The following LAMA2 variants were observed in gnomAD, a reference collection of about 807,000 sequenced individuals.
LAMA2 encodes laminin subunit alpha-2.
A neutral mutation model predicts 364.8 loss-of-function variants in LAMA2; 269 were observed. The observed-to-expected ratio is 0.74, with a 90% confidence interval of 0.67 to 0.82. The LOEUF is 0.82. Ranked by LOEUF, LAMA2 falls within the 40% of genes least tolerant of loss-of-function variation. The probability of loss-of-function intolerance (pLI) is 0.00; values close to 1 mark genes in which losing one functional copy is unlikely to be tolerated. For missense variants in LAMA2, 3,807 were observed against 3,873.2 expected (o/e 0.98, Z 0.45); for synonymous variants, 1,379 against 1,370.6 (o/e 1.01, Z -0.14).
At chr6:129,301,954 A>G (rs1166380084) in intron 22 of LAMA2, among the ~76,000 whole-genome samples, 1 of 152,004 alleles carries the variant, frequency 6.6e-6, no homozygotes, top group Non-Finnish European at 1.5e-5. Flanking sequence ...ACGTTTTTGT[A>G]ATTCATCCAT....
At chr6:129,132,662 A>G (rs1056412947) in intron 4 of LAMA2, among the ~76,000 whole-genome samples, 1 of 152,202 alleles carries the variant, frequency 6.6e-6, no homozygotes, top group African/African-American at 2.4e-5. Flanking sequence ...GTAACAGGTA[A>G]CTGCTATAAA....
At chr6:129,442,820 CTG>C (rs1782185375) in intron 43 of LAMA2, 1 of 525,434 alleles carries the variant, frequency 1.9e-6, no homozygotes. Context: ...TAAATTGGGT[CTG>C]TTTTCTATCT....
chr6:129,025,328 A>G (rs935700461), intron 1 of LAMA2, among the ~76,000 whole-genome samples: 1 of 152,162 alleles, frequency 6.6e-6, no homozygotes, highest in Non-Finnish European at 1.5e-5. Flanking sequence ...ATTCATATAC[A>G]TTGTTTTGCA....
intron 45 of LAMA2, among the ~76,000 whole-genome samples, chr6:129,447,838 T>C (rs564359688): frequency 2.6e-5 from 4 of 152,356 alleles, no homozygotes; most frequent in African/African-American, 9.6e-5. Context: ...GAATCTCACA[T>C]TTAGCCACAT....
rs766521929 is a variant in LAMA2 at position 129,366,304 on chromosome 6, G to T, written c.4803G>T (p.Pro1601=). 5.0e-6 allele frequency: 8 copies of T among 1,613,868 alleles called. No homozygotes were observed. The highest frequency in any genetic ancestry group is 5.9e-6 in the Non-Finnish European group (7 of 1,179,956). Residue 1601 remains proline (P), a synonymous_variant, in exon 33 of 65, where the codon CCG becomes CCT. Coordinates refer to ENST00000421865, the MANE Select transcript of LAMA2 (RefSeq NM_000426.4). ...QMVMSINLTG[P]LPAPYKMLYG... is the part of the protein sequence containing the mutation. ...TCATGAGCATCAACCTCACTGGTCCGCTGCCTGCGCCATATAAAATGCTGT... is the reference window on the plus strand; with the variant it reads ...TCATGAGCATCAACCTCACTGGTCCTCTGCCTGCGCCATATAAAATGCTGT...
chr6:129,032,488 CAG>C (rs1786307800), intron 1 of LAMA2, among the ~76,000 whole-genome samples: 1 of 152,068 alleles, frequency 6.6e-6, no homozygotes, highest in Non-Finnish European at 1.5e-5. Flanking sequence ...AAGGAAAAAG[CAG>C]AGCTTTATTC....
chr6:129,223,182 TG>T (rs1783997250), intron 12 of LAMA2, among the ~76,000 whole-genome samples: 1 of 152,190 alleles, frequency 6.6e-6, no homozygotes, highest in Non-Finnish European at 1.5e-5. Flanking sequence ...CCAATTTTGA[TG>T]GGGTTATTTG....
At chr6:129,293,340 C>A (rs1157552719) in intron 20 of LAMA2, among the ~76,000 whole-genome samples, 1 of 151,148 alleles carries the variant, frequency 6.6e-6, no homozygotes, top group South Asian at 2.1e-4. Context: ...TAAAAATCTA[C>A]TTGAGAGAAC....
chr6:129,143,080 T>A (rs191260455), intron 4 of LAMA2, among the ~76,000 whole-genome samples: 1 of 152,074 alleles, frequency 6.6e-6, no homozygotes, highest in East Asian at 1.9e-4. Flanking sequence ...TCTTGAGAAG[T>A]CCCTGTGAGA....
intron 4 of LAMA2, among the ~76,000 whole-genome samples, chr6:129,107,961 A>G (rs1384393700): frequency 6.6e-6 from 1 of 152,108 alleles, no homozygotes; most frequent in Non-Finnish European, 1.5e-5. Flanking sequence ...GATTGCACAG[A>G]CCTGAGTTTG....
chr6:128,920,403 G>A (rs932400301), intron 1 of LAMA2, among the ~76,000 whole-genome samples: 3 of 151,844 alleles, frequency 2.0e-5, no homozygotes, highest in East Asian at 3.9e-4. Flanking sequence ...CAATTCGCCC[G>A]CCTCAGGCTC....
chr6:129,440,252 A>ATTATT, intron 42 of LAMA2, among the ~76,000 whole-genome samples: 1 of 152,110 alleles, frequency 6.6e-6, no homozygotes, highest in Non-Finnish European at 1.5e-5. Context: ...TAATATTAAA[A>ATTATT]TCTCGGTGGT....
intron 34 of LAMA2, among the ~76,000 whole-genome samples, chr6:129,380,987 A>G (rs1310572524): frequency 2.6e-5 from 4 of 152,242 alleles, no homozygotes; most frequent in Admixed American, 2.6e-4. Flanking sequence ...TAAAAGAGAC[A>G]GTGTATGATA....
At chr6:129,071,841 A>G (rs1247182425) in intron 3 of LAMA2, among the ~76,000 whole-genome samples, 1 of 152,160 alleles carries the variant, frequency 6.6e-6, no homozygotes, top group African/African-American at 2.4e-5. Context: ...CTTGAAAACA[A>G]TGTGGACCAG....
intron 45 of LAMA2, among the ~76,000 whole-genome samples, chr6:129,450,745 C>T (rs1184267878): frequency 6.6e-6 from 1 of 152,188 alleles, no homozygotes; most frequent in Non-Finnish European, 1.5e-5. Context: ...GTCGCTTTGA[C>T]TACTAATTCA....
At chr6:128,977,266 C>CTTTTTTTTTTTT (rs34859670) in intron 1 of LAMA2, among the ~76,000 whole-genome samples, 1 of 133,138 alleles carries the variant, frequency 7.5e-6, no homozygotes, top group African/African-American at 2.9e-5. Context: ...TTTATTCTTT[C>CTTTTTTTTTTTT]TTTTTTTTTT....
chr6:129,333,708 A>G (rs1441990260), intron 29 of LAMA2, among the ~76,000 whole-genome samples: 1 of 152,184 alleles, frequency 6.6e-6, no homozygotes, highest in Admixed American at 6.5e-5. Context: ...GTTAATCTAT[A>G]CACATTCTTA....
At chr6:129,067,493 G>T (rs1402775555) in intron 3 of LAMA2, among the ~76,000 whole-genome samples, 1 of 152,074 alleles carries the variant, frequency 6.6e-6, no homozygotes, top group Non-Finnish European at 1.5e-5. Flanking sequence ...CTACCCTTTG[G>T]TCTGCTTTCA....
chr6:129,088,202 G>A (rs569222137), intron 3 of LAMA2, among the ~76,000 whole-genome samples: 3 of 150,538 alleles, frequency 2.0e-5, no homozygotes, highest in South Asian at 2.1e-4. Flanking sequence ...CAGAGAGCAC[G>A]GGGTTGGGAG....
Sources: gnomAD v4.1 joint callset for allele counts (sites outside exome capture counted in the v4.1 genomes callset) on GRCh38, gnomAD v4.1.1 for gene constraint, MANE v1.5 for transcripts, NCBI Gene and HGNC (gene_info 2026-07-23, HGNC 2026-07-21) for gene names.